The following KCNH2 variants were observed in gnomAD, a reference collection of about 807,000 sequenced individuals.
The protein encoded by KCNH2 is voltage-gated inwardly rectifying potassium channel KCNH2.
Under a neutral mutation model 95.9 loss-of-function variants are expected in KCNH2, and 35 were observed. That is an observed-to-expected ratio of 0.37 (90% CI 0.28 to 0.48). The LOEUF is 0.48. KCNH2 is among the 20% of genes least tolerant of loss of function. The probability of loss-of-function intolerance (pLI) is 0.99; values close to 1 mark genes in which losing one functional copy is unlikely to be tolerated. For synonymous variants in KCNH2, 786 were observed against 754.7 expected (o/e 1.04, Z -0.68); for missense variants, 1,274 against 1,702.9 (o/e 0.75, Z 4.43).
At chr7:150,960,200 T>G (rs1474874578) in intron 2 of KCNH2, among the ~76,000 whole-genome samples, 3 of 152,358 alleles carry the variant, frequency 2.0e-5, no homozygotes, top group African/African-American at 7.2e-5. Context: ...GCTTAATCAC[T>G]TATGCTTTTT....
chr7:150,947,846 C>A lies in KCNH2; in HGVS notation c.2725G>T (p.Gly909Trp). The A allele has an allele frequency of 6.5e-7, 1 of 1,527,462 alleles. No individual in the cohort carries two copies. 94.6% of individuals were successfully genotyped at this position (1,527,462 alleles called of 1,614,324 possible). Residue 909 changes from glycine to tryptophan, a missense_variant, in exon 12 of 15, where the codon GGG becomes TGG. This residue lies in a region of KCNH2 where 457 missense variants were observed against 416.1 expected (regional missense o/e 1.10). Transcript: ENST00000262186. ...TEQPGEVSAL[G>W]PGRAGAGPSS... Reference sequence around the variant, plus strand: ...GGCCCTGCCCCCGCCCGGCCCGGCCCCAAGGCCGACACCTCCCCTGGCTGC... The same window carrying A: ...GGCCCTGCCCCCGCCCGGCCCGGCCACAAGGCCGACACCTCCCCTGGCTGC...
intron 1 of KCNH2, among the ~76,000 whole-genome samples, 162 bp downstream of exon 1, chr7:150,977,676 G>C (rs1802009670): frequency 7.0e-6 from 1 of 143,132 alleles, no homozygotes; most frequent in Non-Finnish European, 1.5e-5. Context: ...GGTGCACCAA[G>C]CCTTGCCCCC....
intron 5 of KCNH2, among the ~76,000 whole-genome samples, chr7:150,954,442 C>T (rs1339924910): frequency 6.6e-6 from 1 of 152,218 alleles, no homozygotes; most frequent in Non-Finnish European, 1.5e-5. Context: ...ACAGCATGAG[C>T]AACACTGCCC....
chr7:150,949,489 A>C, intron 9 of KCNH2: 1 of 755,754 alleles, frequency 1.3e-6, no homozygotes, highest in Non-Finnish European at 1.7e-6. Context: ...AAATGCTAGA[A>C]TGAACCACAT....
chr7:150,948,966 A>T lies in KCNH2; in HGVS notation c.2482T>A (p.Cys828Ser). 6.2e-7 allele frequency: 1 copy of T among 1,613,934 alleles called. No individual in the cohort carries two copies. Among genetic ancestry groups the T allele is most frequent in the Non-Finnish European group, 8.5e-7 (1 of 1,179,942 alleles). The change falls in exon 10 of 15, where the codon TGT (cysteine) becomes AGT (serine). Residue 828 changes from cysteine (C) to serine (S), a missense_variant. Cys to Ser is a moderately radical substitution (Grantham distance 112, BLOSUM62 -1). Around this residue, in one of 7 missense-constraint regions of KCNH2, gnomAD observed 159 missense variants for 282.5 expected, o/e 0.56. Coordinates refer to ENST00000262186, the MANE Select transcript of KCNH2 (RefSeq NM_000238.4). Reference sequence around the variant, plus strand: ...TCCCGATGGATCTTGTGTAGGTCACAGTAGGTGAGGGCCCGCACATCCCCG... The same window carrying T: ...TCCCGATGGATCTTGTGTAGGTCACTGTAGGTGAGGGCCCGCACATCCCCG... ...SNGDVRALTYCDLHKIHRDDL... is the reference protein window; with the variant it reads ...SNGDVRALTYSDLHKIHRDDL...
At chr7:150,975,898 G>A (rs1355828673) in intron 1 of KCNH2, among the ~76,000 whole-genome samples, 1 of 152,180 alleles carries the variant, frequency 6.6e-6, no homozygotes, top group African/African-American at 2.4e-5. Context: ...CCAAGAAAGG[G>A]GACCTGCCCA....
chr7:150,953,234 G>T (rs1011650130), intron 5 of KCNH2, among the ~76,000 whole-genome samples: 5 of 152,180 alleles, frequency 3.3e-5, no homozygotes, highest in African/African-American at 4.8e-5. Context: ...GACCGGAAAG[G>T]GTTCCAAGGA....
In KCNH2 at chr7:150,962,627, C is replaced by CAGAGAGAGAGAGAGAGAGAG. The variant is rs41307331; in HGVS notation, c.308-2911_308-2892dup. 7.0e-3 allele frequency among the ~76,000 whole-genome samples: 1,028 copies of CAGAGAGAGAGAGAGAGAGAG among 146,318 alleles called. 8 individuals are homozygous for CAGAGAGAGAGAGAGAGAGAG. The highest frequency in any genetic ancestry group is 0.033 in the South Asian group (150 of 4,534). On this transcript the variant is annotated intron_variant, in intron 2 of 14. Transcript: ENST00000262186. This position sits in a 1 kb window ranked among gnomAD's most constrained non-coding sequence, Gnocchi z 5.7. ...CACACTTACACACACACACGAGAGA[C>CAGAGAGAGAGAGAGAGAGAG]AGAGAGAGAGAGAGAGAGAGAGAGA...
At chr7:150,965,837 G>C (rs944298612) in intron 2 of KCNH2, among the ~76,000 whole-genome samples, 2 of 152,124 alleles carry the variant, frequency 1.3e-5, no homozygotes, top group African/African-American at 4.8e-5. Context: ...AGTCATAACA[G>C]GTGGGGACAG....
rs1165306519 is a variant in KCNH2 at position 150,958,067 on chromosome 7, G to C, written c.908C>G (p.Ala303Gly). 1 of 1,276,112 alleles carries C rather than the reference G, an allele frequency of 7.8e-7. No homozygotes were observed. The highest frequency in any genetic ancestry group is 1.6e-5 in the African/African-American group (1 of 64,460). The allele number at this position is 1,276,112 out of a possible 1,614,324, so 79.0% of individuals were successfully genotyped here. ...AGVLPPPPRH[A>G]STGAMHPLRS... ...TCCCGCGGCGCCCTCACCGGTGCTG[G>C]CGTGGCGCGGTGGCGGGGGCAGCAC... Residue 303 changes from alanine (A) to glycine (G), a missense_variant, in exon 4 of 15, where the codon GCC becomes GGC. By Grantham distance (60) the Ala-to-Gly change is moderately conservative. This residue lies in a region of KCNH2 where 392 missense variants were observed against 429.9 expected (regional missense o/e 0.91). Transcript: ENST00000262186.
Position 150,947,328 on chromosome 7 carries a change from C to A in KCNH2, c.3152G>T (p.Arg1051Met). Residue 1051 changes from arginine (R) to methionine (M), a missense_variant and splice_region_variant, in exon 13 of 15, where the codon AGG becomes ATG. This residue lies in a region of KCNH2 where 457 missense variants were observed against 416.1 expected (regional missense o/e 1.10). Transcript: ENST00000262186. ...CCCCACCCCACCTGCACTCCCTCACCTGTTGAGCTGGCGCTGGAGGGCATC... is the reference window on the plus strand; with the variant it reads ...CCCCACCCCACCTGCACTCCCTCACATGTTGAGCTGGCGCTGGAGGGCATC... Reference protein sequence around the residue: ...RLDALQRQLNRLETRLSADMA... With the variant: ...RLDALQRQLNMLETRLSADMA... 6.5e-7 allele frequency: 1 copy of A among 1,541,092 alleles called. No individual in the cohort carries two copies. Among genetic ancestry groups the A allele is most frequent in the East Asian group, 2.4e-5 (1 of 40,926 alleles).
chr7:150,966,681 T>C (rs980441775), intron 2 of KCNH2, among the ~76,000 whole-genome samples: 1 of 152,010 alleles, frequency 6.6e-6, no homozygotes, highest in East Asian at 1.9e-4. Flanking sequence ...ACACAAGCAA[T>C]TAGGAAACAT....
chr7:150,952,042 T>C lies in KCNH2; in HGVS notation c.1558-207A>G, dbSNP rs1801193451. 6.6e-6 allele frequency among the ~76,000 whole-genome samples: 1 copy of C among 152,118 alleles called. No homozygotes were observed. Among genetic ancestry groups the C allele is most frequent in the Non-Finnish European group, 1.5e-5 (1 of 67,988 alleles). ...AGCTTTGGGACAGAGGCAGCCCCCATAGTGTGGATGAGGAAACAGGGGCAC... is the reference window on the plus strand; with the variant it reads ...AGCTTTGGGACAGAGGCAGCCCCCACAGTGTGGATGAGGAAACAGGGGCAC... On this transcript the variant is annotated intron_variant, in intron 6 of 14. Coordinates refer to ENST00000262186, the MANE Select transcript of KCNH2 (RefSeq NM_000238.4). The surrounding 1 kb of genome is among the most constrained non-coding windows in gnomAD (Gnocchi z 7.3).
rs1225132841 is a variant in KCNH2 at position 150,949,756 on chromosome 7, C to T, written c.2398+412G>A. On this transcript the variant is annotated intron_variant, in intron 9 of 14. Coordinates refer to ENST00000262186, the MANE Select transcript of KCNH2 (RefSeq NM_000238.4). Reference sequence around the variant, plus strand: ...GTAGAAAGGAAGTGGGGGGAGGGGGCAGGACTCCCTTTGCTTTGGATGTGT... The same window carrying T: ...GTAGAAAGGAAGTGGGGGGAGGGGGTAGGACTCCCTTTGCTTTGGATGTGT... The T allele has an allele frequency of 5.0e-6, 6 of 1,192,224 alleles. No individual in the cohort carries two copies. The East Asian group carries it at 3.5e-4, about 69-fold the overall frequency. 73.9% of individuals were successfully genotyped at this position (1,192,224 alleles called of 1,614,324 possible).
intron 2 of KCNH2, among the ~76,000 whole-genome samples, chr7:150,970,404 G>T (rs924667678): frequency 6.6e-6 from 1 of 152,206 alleles, no homozygotes; most frequent in East Asian, 1.9e-4. Flanking sequence ...TGCAGAAGAC[G>T]CAACACGGAG....
At position 150,952,880 on chromosome 7, in the gene KCNH2, G is replaced by T; in HGVS notation, c.1129-27C>A. On this transcript the variant is annotated intron_variant, in intron 5 of 14. Coordinates refer to ENST00000262186, the MANE Select transcript of KCNH2 (RefSeq NM_000238.4). The surrounding 1 kb of genome is among the most constrained non-coding windows in gnomAD (Gnocchi z 7.3). ...TGCACCCGGGGAAGGCGGAGGTGTG[G>T]GTGAGGCAGGCCATGGGACCTCGGG... is the stretch of plus-strand genomic sequence containing the variant. 6.2e-7 allele frequency: 1 copy of T among 1,608,478 alleles called. No homozygotes were observed. Among genetic ancestry groups the T allele is most frequent in the Non-Finnish European group, 8.5e-7 (1 of 1,179,162 alleles).
chr7:150,972,162 T>C (rs1801856531), intron 2 of KCNH2, among the ~76,000 whole-genome samples: 1 of 152,226 alleles, frequency 6.6e-6, no homozygotes, highest in African/African-American at 2.4e-5. Context: ...TGGGGCTGTC[T>C]GGCTCCAGGC....
intron 2 of KCNH2, among the ~76,000 whole-genome samples, chr7:150,970,200 G>A (rs903383429): frequency 2.0e-5 from 3 of 152,020 alleles, no homozygotes; most frequent in Admixed American, 6.5e-5. Context: ...GGCTTTCTTG[G>A]AACCTCCAAA....
rs199473433 is a variant in KCNH2, at chr7:150,948,456, G to A, written c.2680C>T (p.Arg894Cys). The change falls in exon 11 of 15, where the codon CGC becomes TGC. Residue 894 changes from arginine to cysteine, a missense_variant. Physicochemically the swap from Arg to Cys is radical, Grantham distance 180. Around this residue, in one of 7 missense-constraint regions of KCNH2, gnomAD observed 457 missense variants for 416.1 expected, o/e 1.10. Coordinates refer to ENST00000262186, the MANE Select transcript of KCNH2 (RefSeq NM_000238.4). ...QRKRKLSFRR[R>C]TDKDTEQPGE... ...TCCCCCGCCTCACCCTTGTCCGTGC[G>A]CCTGCGGAAGGACAACTTGCGCTTG... The A allele has an allele frequency of 4.4e-6, 7 of 1,602,982 alleles. No homozygotes were observed. Among genetic ancestry groups the A allele is most frequent in the East Asian group, 2.2e-5 (1 of 44,690 alleles).
Sources: gnomAD v4.1 joint callset for allele counts (sites outside exome capture counted in the v4.1 genomes callset) on GRCh38, gnomAD v4.1.1 for gene constraint, gnomAD v4.1.1 regional missense constraint, Gnocchi (gnomAD v3.1) non-coding constraint, MANE v1.5 for transcripts, NCBI Gene and HGNC (gene_info 2026-07-23, HGNC 2026-07-21) for gene names.